Variants in TBCD observed in about 807,000 individuals in gnomAD.
The protein encoded by TBCD is tubulin folding cofactor D.
In TBCD, 105 loss-of-function variants were observed where a neutral mutation model predicts 169.3. The observed-to-expected ratio is 0.62, with a 90% CI of 0.53 to 0.73. The LOEUF (loss-of-function observed/expected upper bound fraction) is 0.73, where lower values mean the gene tolerates loss of function less well. Ranked by LOEUF, TBCD falls within the 30% of genes least tolerant of loss-of-function variation. TBCD has a pLI of 0.00. For synonymous variants in TBCD, 700 were observed against 643.9 expected, an observed-to-expected ratio of 1.09 and a Z score of -1.32; for missense variants, 1,444 against 1,600.1, an observed-to-expected ratio of 0.90 and a Z score of 1.66.
intron 13 of TBCD, among the ~76,000 whole-genome samples, chr17:82,859,138 C>A (rs2056555708): frequency 6.6e-6 from 1 of 151,448 alleles, no homozygotes; most frequent in Admixed American, 6.6e-5. Flanking sequence ...GTCCTCCCTA[C>A]ACTGACACAC....
intron 23 of TBCD, among the ~76,000 whole-genome samples, chr17:82,912,169 G>A (rs2067295782): frequency 6.6e-6 from 1 of 151,554 alleles, no homozygotes; most frequent in African/African-American, 2.4e-5. Context: ...CCCTGGTCGT[G>A]CCCTGTGGAC....
chr17:82,934,317 T>A (rs927075372), intron 34 of TBCD, among the ~76,000 whole-genome samples: 2 of 152,204 alleles, frequency 1.3e-5, no homozygotes, highest in South Asian at 2.1e-4. Context: ...CACATGTTTT[T>A]AAATCTAACA....
At chr17:82,860,430 C>T in intron 13 of TBCD, 1 of 985,446 alleles carries the variant, frequency 1.0e-6, no homozygotes, top group South Asian at 4.7e-5. Flanking sequence ...GGGGGACAGA[C>T]ACAGGTGGAA....
intron 13 of TBCD, among the ~76,000 whole-genome samples, chr17:82,852,892 C>T (rs2055917811): frequency 6.6e-6 from 1 of 152,074 alleles, no homozygotes; most frequent in African/African-American, 2.4e-5. Flanking sequence ...GAGCATAGGA[C>T]TGTTCGGAAA....
intron 13 of TBCD, among the ~76,000 whole-genome samples, chr17:82,842,520 G>A (rs2054606428): frequency 6.6e-6 from 1 of 152,130 alleles, no homozygotes; most frequent in African/African-American, 2.4e-5. Context: ...GGTTTTGCCT[G>A]CCTCTCTCTT....
At chr17:82,772,958 T>A (rs1159562519) in intron 6 of TBCD, among the ~76,000 whole-genome samples, 1 of 152,186 alleles carries the variant, frequency 6.6e-6, no homozygotes, top group Non-Finnish European at 1.5e-5. Flanking sequence ...AAGGTGGTTT[T>A]CTCTGCTGAG....
chr17:82,942,409 T>G (rs1297279598), intron 38 of TBCD, 40 bp from the exon 39 acceptor site: 3 of 1,613,896 alleles, frequency 1.9e-6, no homozygotes, highest in African/African-American at 1.3e-5. Flanking sequence ...TGGTGTGTGT[T>G]GGAGCTGACC....
At chr17:82,815,053 T>C in intron 13 of TBCD, 119 bp downstream of exon 13, 5 of 1,482,576 alleles carry the variant, frequency 3.4e-6, no homozygotes, top group Non-Finnish European at 4.5e-6. Flanking sequence ...GTCAGCTGCG[T>C]CACCAGGCTG....
rs1006972146 is a variant in TBCD, at chr17:82,835,947, G to A, written c.1318+21013G>A. 2.0e-5 allele frequency among the ~76,000 whole-genome samples: 3 copies of A among 152,224 alleles called. No homozygotes were observed. Among genetic ancestry groups the A allele is most frequent in the Admixed American group, 2.0e-4 (3 of 15,288 alleles). On this transcript the variant is annotated intron_variant, in intron 13 of 38. Transcript: ENST00000355528. The surrounding 1 kb of genome is among the most constrained non-coding windows in gnomAD (Gnocchi z 4.5). ...ATGTTTGTTACCCTACAACCAGGGA[G>A]GGTGTCGGGTGACACCCTGGGCTCA...
rs1209048693 is a variant in TBCD, at chr17:82,903,167, A to G, written c.1731-238A>G. Among the ~76,000 whole-genome samples the G allele has an allele frequency of 1.3e-5, 2 of 152,132 alleles. No individual in the cohort carries two copies. The highest frequency in any genetic ancestry group is 3.9e-4 in the East Asian group (2 of 5,194). ...ATTGCCACCTGGCCCTGAGAAGGAA[A>G]GGCAGCTGTGTCCCAAGAAGAACCG... On this transcript the variant is annotated intron_variant, in intron 18 of 38. Transcript: ENST00000355528. This position sits in a 1 kb window ranked among gnomAD's most constrained non-coding sequence, Gnocchi z 4.8.
chr17:82,940,130 C>G (rs952814581), intron 37 of TBCD, among the ~76,000 whole-genome samples: 1 of 151,964 alleles, frequency 6.6e-6, no homozygotes, highest in Non-Finnish European at 1.5e-5. Context: ...CTGGGCCAAC[C>G]GGTATGTTCC....
intron 14 of TBCD, among the ~76,000 whole-genome samples, chr17:82,871,248 G>T (rs146852042): frequency 1.3e-5 from 2 of 152,204 alleles, no homozygotes; most frequent in African/African-American, 4.8e-5. Flanking sequence ...TGTCCCCAGC[G>T]CAGGAAACGA....
chr17:82,771,448 T>C (rs1172226116), intron 5 of TBCD, among the ~76,000 whole-genome samples: 1 of 151,600 alleles, frequency 6.6e-6, no homozygotes, highest in Non-Finnish European at 1.5e-5. Flanking sequence ...AGATGGAGTC[T>C]TGCCCTGTCA....
At chr17:82,891,964 C>T (rs978697390) in intron 16 of TBCD, among the ~76,000 whole-genome samples, 1 of 152,132 alleles carries the variant, frequency 6.6e-6, no homozygotes, top group South Asian at 2.1e-4. Context: ...TGCTCCTAGG[C>T]GAGTGCTGTC....
In TBCD at chr17:82,920,216, G is replaced by A. The variant is rs1057208943; in HGVS notation, c.2039-340G>A. 1.3e-5 allele frequency among the ~76,000 whole-genome samples: 2 copies of A among 152,222 alleles called. No homozygotes were observed. The highest frequency in any genetic ancestry group is 2.9e-5 in the Non-Finnish European group (2 of 68,038). On this transcript the variant is annotated intron_variant, in intron 23 of 38. Coordinates refer to ENST00000355528, the MANE Select transcript of TBCD (RefSeq NM_005993.5). The surrounding 1 kb of genome is among the most constrained non-coding windows in gnomAD (Gnocchi z 4.1). The stretch of plus-strand genomic sequence containing the variant: ...AGTGACAGGTCTAGGAGCAGAAGCC[G>A]CTATGCTTCCCGTACAGCCTGTCAC...
intron 19 of TBCD, among the ~76,000 whole-genome samples, chr17:82,905,363 G>A (rs2060168569): frequency 6.6e-6 from 1 of 152,274 alleles, no homozygotes; most frequent in African/African-American, 2.4e-5. Context: ...CCTCCGTCCT[G>A]TTGCCCTTGG....
At chr17:82,867,223 G>A (rs1196707365) in intron 13 of TBCD, among the ~76,000 whole-genome samples, 2 of 152,222 alleles carry the variant, frequency 1.3e-5, no homozygotes, top group Non-Finnish European at 2.9e-5. Context: ...TCACAGGGCT[G>A]CCAAGCAGTG....
Position 82,945,332 on chromosome 17 carries a change from A to G in TBCD, c.*2869A>G, listed in dbSNP as rs5025841. ...AATTGGGGTCTCAGAATGAAATGAA[A>G]TGATGCAGATATTCCATACTGACAT... On this transcript the variant is annotated 3_prime_UTR_variant, in exon 39 of 39. Transcript: ENST00000355528. 17,014 of 152,296 alleles carry G rather than the reference A, an allele frequency of 0.11. 1,159 individuals carry two copies. The highest frequency in any genetic ancestry group is 0.26 in the South Asian group (1,229 of 4,818). The allele number at this position is 152,296 out of a possible 1,614,324, so 9.4% of individuals were successfully genotyped here.
chr17:82,859,904 G>A (rs2056618372), intron 13 of TBCD: 1 of 985,070 alleles, frequency 1.0e-6, no homozygotes, highest in African/African-American at 1.7e-5. Flanking sequence ...GCTTGTCATT[G>A]TGCACTGGTG....
Sources: allele counts gnomAD v4.1 joint callset (sites outside exome capture counted in the v4.1 genomes callset), GRCh38; gene constraint gnomAD v4.1.1; non-coding constraint Gnocchi (gnomAD v3.1); transcripts MANE v1.5; gene names NCBI Gene and HGNC (gene_info 2026-07-23, HGNC 2026-07-21).